Variants in STARD3 observed in about 807,000 individuals in gnomAD.
STARD3 encodes the protein StAR related lipid transfer domain containing 3, also known as stAR-related lipid transfer protein 3.
In STARD3, 39 loss-of-function variants were observed where a neutral mutation model predicts 62.0. The ratio of observed to expected loss-of-function variants is 0.63; its 90% confidence interval spans 0.49 to 0.82. The LOEUF (loss-of-function observed/expected upper bound fraction) is 0.82. Ranked by LOEUF, STARD3 falls within the 40% of genes least tolerant of loss-of-function variation. The pLI is 0.00. For synonymous variants in STARD3, 229 were observed against 242.4 expected (o/e 0.94, Z 0.51); for missense variants, 543 against 584.5 (o/e 0.93, Z 0.73).
chr17:39,660,099 A>G lies in STARD3; in HGVS notation c.796-112A>G. 9.5e-7 allele frequency: 1 copy of G among 1,055,632 alleles called. No homozygotes were observed. Among genetic ancestry groups the G allele is most frequent in the Non-Finnish European group, 1.5e-6 (1 of 678,930 alleles). 65.4% of individuals were successfully genotyped at this position (1,055,632 alleles called of 1,614,324 possible). Reference sequence around the variant, plus strand: ...TGCTCAGGTGTCCCCAAACTCCTGGAGTTTTCCACCCTGAGCTGTTAAAAA... The same window carrying G: ...TGCTCAGGTGTCCCCAAACTCCTGGGGTTTTCCACCCTGAGCTGTTAAAAA... On this transcript the variant is annotated intron_variant, in intron 9 of 14. Transcript: ENST00000336308. This position sits in a 1 kb window ranked among gnomAD's most constrained non-coding sequence, Gnocchi z 4.8.
At position 39,639,959 on chromosome 17, in the gene STARD3, C is replaced by T. The variant is rs539057887; in HGVS notation, c.-52+2728C>T. ...GATCCCTTCTCTGGGAGCCCACGGT[C>T]CTTTGTTCATTCCTCCCTGAAAGCG... is the stretch of plus-strand genomic sequence containing the variant. On this transcript the variant is annotated intron_variant, in intron 1 of 14. Coordinates refer to ENST00000336308, the MANE Select transcript of STARD3 (RefSeq NM_006804.4). Among the ~76,000 whole-genome samples the T allele has an allele frequency of 3.9e-5, 6 of 152,326 alleles. No homozygotes were observed. The South Asian group carries it at 1.2e-3, about 32-fold the overall frequency.
chr17:39,644,851 C>CA (rs35361174), intron 1 of STARD3, among the ~76,000 whole-genome samples: 1,183 of 116,766 alleles, frequency 0.01, 7 homozygotes, highest in Middle Eastern at 0.018. Context: ...GACAGAGTCT[C>CA]AAAAAAAAAA....
Position 39,660,420 on chromosome 17 carries a change from C to T in STARD3, c.859-11C>T, listed in dbSNP as rs1443292053. ...TCTGGCACCACCCAGCCCTCTGCCG[C>T]CCTGTCCCAGACCTTCCTGCCCTGT... On this transcript the variant is annotated splice_polypyrimidine_tract_variant and intron_variant, in intron 10 of 14. Transcript: ENST00000336308. The surrounding 1 kb of genome is among the most constrained non-coding windows in gnomAD (Gnocchi z 4.8). The T allele has an allele frequency of 1.2e-6, 2 of 1,613,520 alleles. No individual in the cohort carries two copies. Among genetic ancestry groups the T allele is most frequent in the Admixed American group, 3.3e-5 (2 of 60,002 alleles).
chr17:39,657,208 C>T (rs959439949), intron 3 of STARD3, 123 bp downstream of exon 3: 29 of 935,932 alleles, frequency 3.1e-5, no homozygotes, highest in East Asian at 7.6e-5. Context: ...TCCCATCCTT[C>T]GGGAGCCATC....
rs920319939 is a variant in STARD3, at chr17:39,663,916, C to T, written c.*1008C>T. On this transcript the variant is annotated 3_prime_UTR_variant, in exon 15 of 15. Transcript: ENST00000336308. ...CAGACTCCACTCACCCATTCCCTCT[C>T]CCCGCACGGCACTCACACCAGGGGC... Among the ~76,000 whole-genome samples the T allele has an allele frequency of 9.9e-5, 15 of 152,210 alleles. No individual in the cohort carries two copies. Among genetic ancestry groups the T allele is most frequent in the African/African-American group, 3.6e-4 (15 of 41,524 alleles).
rs78029334 is a variant in STARD3 at position 39,662,839 on chromosome 17, C to T, written c.1269C>T (p.Leu423=). Residue 423 remains leucine (L), a synonymous_variant, in exon 15 of 15, where the codon CTC becomes CTT. Coordinates refer to ENST00000336308, the MANE Select transcript of STARD3 (RefSeq NM_006804.4). ...CCCGGTACCTCATCCACCAGAGCCT[C>T]GCGGCCACCATGTTTGAATTTGCCT... The part of the protein sequence containing the change: ...RLPRYLIHQS[L]AATMFEFAFH... 29 of 1,612,252 alleles carry T rather than the reference C, an allele frequency of 1.8e-5. No individual in the cohort carries two copies. Among genetic ancestry groups the T allele is most frequent in the African/African-American group, 6.7e-5 (5 of 74,920 alleles).
In STARD3 at chr17:39,659,293, G is replaced by A. The variant is rs1038158227; in HGVS notation, c.703-168G>A. Among the ~76,000 whole-genome samples, 6 of 152,206 alleles carry A rather than the reference G, an allele frequency of 3.9e-5. No individual in the cohort carries two copies. In the South Asian group the frequency reaches 6.2e-4, roughly 16 times the overall value. ...CTGCCTCATGCCTGGGCACACAGGT[G>A]GAGCAGCCACAAGCCTGCAGGGCCC... On this transcript the variant is annotated intron_variant, in intron 8 of 14. Coordinates refer to ENST00000336308, the MANE Select transcript of STARD3 (RefSeq NM_006804.4).
chr17:39,653,042 A>G (rs1240725471), intron 1 of STARD3: 1 of 174,842 alleles, frequency 5.7e-6, no homozygotes, highest in Non-Finnish European at 1.2e-5. Flanking sequence ...CTGGGAGGGA[A>G]TGTGGCTTTG....
chr17:39,660,526 G>C lies in STARD3; in HGVS notation c.954G>C (p.Gln318His), dbSNP rs2057184935. Residue 318 changes from glutamine to histidine, a missense_variant and splice_region_variant, in exon 11 of 15, where the codon CAG becomes CAC. Coordinates refer to ENST00000336308, the MANE Select transcript of STARD3 (RefSeq NM_006804.4). The surrounding 1 kb of genome is among the most constrained non-coding windows in gnomAD (Gnocchi z 4.8). ...VLWNKTVTAC[Q>H]ILQRVEDNTL... ...GGAACAAGACAGTGACTGCCTGCCA[G>C]GTGAGCCCAGTCTGGCTGCCTCTTA... 6.2e-7 allele frequency: 1 copy of C among 1,613,890 alleles called. No homozygotes were observed. The highest frequency in any genetic ancestry group is 1.7e-5 in the Admixed American group (1 of 60,022).
At chr17:39,659,995 C>G in intron 9 of STARD3, 1 of 593,202 alleles carries the variant, frequency 1.7e-6, no homozygotes, top group Non-Finnish European at 3.0e-6. Flanking sequence ...GCAGCTGTCC[C>G]CCCGTCTTTT....
rs1281736274 is a variant in STARD3 at position 39,662,315 on chromosome 17, T to G, written c.1204T>G (p.Phe402Val). 6.2e-7 allele frequency: 1 copy of G among 1,614,024 alleles called. No homozygotes were observed. The highest frequency in any genetic ancestry group is 1.3e-5 in the African/African-American group (1 of 75,016). The change falls in exon 14 of 15, where the codon TTT becomes GTT. Residue 402 changes from phenylalanine to valine, a missense_variant. Phe to Val is a conservative substitution (Grantham distance 50). Transcript: ENST00000336308. ...KSASNPRVCT[F>V]VWILNTDLKG... ...GGCCAGTAACCCCCGTGTTTGCACCTTTGTCTGGATTCTTAATACAGATCT... is the reference window on the plus strand; with the variant it reads ...GGCCAGTAACCCCCGTGTTTGCACCGTTGTCTGGATTCTTAATACAGATCT...
intron 1 of STARD3, among the ~76,000 whole-genome samples, chr17:39,637,786 C>T (rs2056946365): frequency 6.6e-6 from 1 of 152,188 alleles, no homozygotes; most frequent in South Asian, 2.1e-4. Flanking sequence ...GTCAATGTCT[C>T]CTGGTTTTCT....
chr17:39,659,485 A>G lies in STARD3; in HGVS notation c.727A>G (p.Lys243Glu), dbSNP rs1430048449. The G allele has an allele frequency of 1.2e-6, 2 of 1,613,956 alleles. No individual in the cohort carries two copies. The highest frequency in any genetic ancestry group is 1.7e-6 in the Non-Finnish European group (2 of 1,180,024). ...GGAGCGGGAGTACATCCGCCAGGGG[A>G]AGGAGGCCACGGCAGTGGTGGACCA... The part of the protein sequence containing the change: ...AQEREYIRQG[K>E]EATAVVDQIL... Residue 243 changes from lysine to glutamate, a missense_variant, in exon 9 of 15, where the codon AAG becomes GAG. Transcript: ENST00000336308.
chr17:39,661,124 C>G (rs1439185793), intron 13 of STARD3, 39 bp downstream of exon 13: 1 of 1,592,864 alleles, frequency 6.3e-7, no homozygotes, highest in Non-Finnish European at 8.6e-7. Context: ...CTGCCAGCCC[C>G]TCCCCTGGGA....
chr17:39,645,595 AAGTAGCTGC>A (rs1193702884), intron 1 of STARD3, among the ~76,000 whole-genome samples: 2 of 151,736 alleles, frequency 1.3e-5, no homozygotes, highest in African/African-American at 4.8e-5. Context: ...TCATACTCCC[AAGTAGCTGC>A]GATTACAGGC....
chr17:39,654,351 A>G (rs1597795218), intron 2 of STARD3, among the ~76,000 whole-genome samples: 1 of 152,194 alleles, frequency 6.6e-6, no homozygotes, highest in South Asian at 2.1e-4. Flanking sequence ...GCAGTGACCC[A>G]TGATTGCACC....
rs556025471 is a variant in STARD3, at chr17:39,663,737, A to G, written c.*829A>G. On this transcript the variant is annotated 3_prime_UTR_variant, in exon 15 of 15. Transcript: ENST00000336308. Reference sequence around the variant, plus strand: ...CCCCCTGCCAGGCTTCAGCGGGGCAAGTTTAAAGTCTCTAGTCCAGGAATG... The same window carrying G: ...CCCCCTGCCAGGCTTCAGCGGGGCAGGTTTAAAGTCTCTAGTCCAGGAATG... Among the ~76,000 whole-genome samples, 3 of 150,744 alleles carry G rather than the reference A, an allele frequency of 2.0e-5. No individual in the cohort carries two copies. The South Asian group carries it at 6.4e-4, about 32-fold the overall frequency.
At position 39,663,959 on chromosome 17, in the gene STARD3, G is replaced by T. The variant is rs529235725; in HGVS notation, c.*1051G>T. Among the ~76,000 whole-genome samples the T allele has an allele frequency of 2.0e-5, 3 of 152,056 alleles. No individual in the cohort carries two copies. The highest frequency in any genetic ancestry group is 7.2e-5 in the African/African-American group (3 of 41,400). The stretch of plus-strand genomic sequence containing the variant: ...CCAGGGGCGGCCTGGAGCCCGGATC[G>T]CAGGGCGGGGCCAGGCCACTGCCTG... On this transcript the variant is annotated 3_prime_UTR_variant, in exon 15 of 15. Coordinates refer to ENST00000336308, the MANE Select transcript of STARD3 (RefSeq NM_006804.4).
At chr17:39,648,361 G>C (rs572218579) in intron 1 of STARD3, among the ~76,000 whole-genome samples, 36 of 152,310 alleles carry the variant, frequency 2.4e-4, no homozygotes, top group Admixed American at 2.2e-3. Flanking sequence ...CAGTTACTCG[G>C]GAGGCTGAGG....
Sources: allele counts gnomAD v4.1 joint callset (sites outside exome capture counted in the v4.1 genomes callset), GRCh38; gene constraint gnomAD v4.1.1; non-coding constraint Gnocchi (gnomAD v3.1); transcripts MANE v1.5; gene names NCBI Gene and HGNC (gene_info 2026-07-23, HGNC 2026-07-21).